Variants in BOP1 observed in about 807,000 individuals in gnomAD.
BOP1 encodes the protein BOP1 ribosomal biogenesis factor.
Under a neutral mutation model 82.9 loss-of-function variants are expected in BOP1, and 54 were observed. That is an observed-to-expected ratio of 0.65 (90% CI 0.52 to 0.82). BOP1 has a LOEUF of 0.82. Ranked by LOEUF, BOP1 falls within the 40% of genes least tolerant of loss-of-function variation. The pLI, the probability that BOP1 is intolerant of heterozygous loss-of-function variation, is 0.00. For synonymous variants in BOP1, 566 were observed against 451.1 expected, an observed-to-expected ratio of 1.25 and a Z score of -3.23; for missense variants, 1,170 against 1,072.0, an observed-to-expected ratio of 1.09 and a Z score of -1.28.
At chr8:144,269,104 G>A (rs1015641752) in intron 3 of BOP1, among the ~76,000 whole-genome samples, 8 of 152,116 alleles carry the variant, frequency 5.3e-5, no homozygotes, top group Admixed American at 1.3e-4. Flanking sequence ...CCACCACCAC[G>A]GCCCATCCAG....
At chr8:144,264,878 G>GCCCACCCCGGCTGCTGGC in intron 4 of BOP1, 39 bp downstream of exon 4, 1 of 1,607,238 alleles carries the variant, frequency 6.2e-7, no homozygotes, top group Non-Finnish European at 8.5e-7. Context: ...CACCCCTCGG[G>GCCCACCCCGGCTGCTGGC]CCCACCCCGG....
rs1203647034 is a variant in BOP1, at chr8:144,291,436, G to A, written c.-66C>T. The A allele has an allele frequency of 3.2e-5, 32 of 1,001,868 alleles. No individual in the cohort carries two copies. Among genetic ancestry groups the A allele is most frequent in the Non-Finnish European group, 9.8e-6 (8 of 820,098 alleles). The allele number at this position is 1,001,868 out of a possible 1,614,324, so 62.1% of individuals were successfully genotyped here. On this transcript the variant is annotated 5_prime_UTR_variant, in exon 1 of 16. Coordinates refer to ENST00000569669, the MANE Select transcript of BOP1 (RefSeq NM_015201.5). The surrounding 1 kb of genome is among the most constrained non-coding windows in gnomAD (Gnocchi z 4.1). ...GACAGCGACCGGGCCGCGTGCGCAG[G>A]AGGACGCGCCCCGCCCAGCCCGGCC...
chr8:144,265,348 G>A, intron 3 of BOP1: 1 of 566,350 alleles, frequency 1.8e-6, no homozygotes, highest in Non-Finnish European at 3.2e-6. Context: ...CCCCTCACTG[G>A]ATTCCTTGGC....
At chr8:144,275,509 AGCCCAGCCCGGTGCCAGCCTCTCCACG>A (rs1845556648) in intron 3 of BOP1, among the ~76,000 whole-genome samples, 1 of 150,474 alleles carries the variant, frequency 6.6e-6, no homozygotes, top group Admixed American at 6.6e-5. Flanking sequence ...ACGCTGGCGG[AGCCCAGCCCGGTGCCAGCCTCTCCACG>A]CTGGTGGAGC....
chr8:144,265,814 G>C (rs1312587247), intron 3 of BOP1: 2 of 153,570 alleles, frequency 1.3e-5, no homozygotes, highest in African/African-American at 4.8e-5. Context: ...CCCCAAATTG[G>C]ATAATGGGGG....
chr8:144,262,335 G>A lies in BOP1; in HGVS notation c.2088-18C>T, dbSNP rs1262527976. ...GAAGGTCACTGTGGGGACGAGGAGG[G>A]CTCAGGGCACGGCCAGACACCACTG... On this transcript the variant is annotated intron_variant, in intron 15 of 15. Coordinates refer to ENST00000569669, the MANE Select transcript of BOP1 (RefSeq NM_015201.5). 1.2e-6 allele frequency: 2 copies of A among 1,612,792 alleles called. No individual in the cohort carries two copies. The highest frequency in any genetic ancestry group is 4.5e-5 in the East Asian group (2 of 44,870).
chr8:144,279,543 C>A lies in BOP1; in HGVS notation c.310-3239G>T, dbSNP rs587654713. 7.5e-4 allele frequency among the ~76,000 whole-genome samples: 114 copies of A among 152,298 alleles called. 2 individuals carry two copies. The highest frequency in any genetic ancestry group is 2.6e-3 in the African/African-American group (108 of 41,554). On this transcript the variant is annotated intron_variant, in intron 2 of 15. Transcript: ENST00000569669. ...TCTATCAGGCCTGGTTTAGATGAGA[C>A]CCTGGCAGTGGAATGAGGTTCTGGG...
Position 144,264,302 on chromosome 8 carries a change from G to C in BOP1, c.901C>G (p.Pro301Ala). ...CCTGGCAGGGCCAGCTTGGGAGCAGGTACGTGCATCTTGTGGCGCCCGAGC... is the reference window on the plus strand; with the variant it reads ...CCTGGCAGGGCCAGCTTGGGAGCAGCTACGTGCATCTTGTGGCGCCCGAGC... ...AVLGRHKMHV[P>A]APKLALPGHA... Residue 301 changes from proline to alanine, a missense_variant, in exon 7 of 16, where the codon CCT becomes GCT. Coordinates refer to ENST00000569669, the MANE Select transcript of BOP1 (RefSeq NM_015201.5). The C allele has an allele frequency of 6.2e-7, 1 of 1,611,118 alleles. No homozygotes were observed. Among genetic ancestry groups the C allele is most frequent in the Non-Finnish European group, 8.5e-7 (1 of 1,179,608 alleles).
Position 144,291,311 on chromosome 8 carries a change from C to A in BOP1, c.60G>T (p.Arg20=). 1 of 1,443,404 alleles carries A rather than the reference C, an allele frequency of 6.9e-7. No individual in the cohort carries two copies. The allele number at this position is 1,443,404 out of a possible 1,614,324, so 89.4% of individuals were successfully genotyped here. ...TAAPSVRPEK[R]RSEPELEPEP... ...CAGGCTCCAGTTCGGGCTCAGACCGCCGCTTCTCCGGCCGCACGCTCGGCG... is the reference window on the plus strand; with the variant it reads ...CAGGCTCCAGTTCGGGCTCAGACCGACGCTTCTCCGGCCGCACGCTCGGCG... Residue 20 remains arginine (R), a synonymous_variant, in exon 1 of 16, where the codon CGG becomes CGT. Coordinates refer to ENST00000569669, the MANE Select transcript of BOP1 (RefSeq NM_015201.5). This position sits in a 1 kb window ranked among gnomAD's most constrained non-coding sequence, Gnocchi z 4.1.
chr8:144,275,837 C>T (rs1845560398), intron 3 of BOP1, among the ~76,000 whole-genome samples: 1 of 152,110 alleles, frequency 6.6e-6, no homozygotes, highest in Non-Finnish European at 1.5e-5. Context: ...AGGGGCACCA[C>T]CCATGCCCGT....
At chr8:144,263,446 C>G in intron 11 of BOP1, 32 bp downstream of exon 11, 4 of 1,597,888 alleles carry the variant, frequency 2.5e-6, no homozygotes, top group Non-Finnish European at 3.4e-6. Context: ...AGTGCCACCC[C>G]TGGCTCCCCA....
intron 3 of BOP1, among the ~76,000 whole-genome samples, chr8:144,271,878 G>A (rs1231728179): frequency 6.6e-6 from 1 of 152,084 alleles, no homozygotes; most frequent in East Asian, 1.9e-4. Flanking sequence ...GCCTTCTCCC[G>A]GCACCTCCAC....
chr8:144,272,916 C>T (rs1242766738), intron 3 of BOP1, among the ~76,000 whole-genome samples: 2 of 152,210 alleles, frequency 1.3e-5, no homozygotes, highest in South Asian at 2.1e-4. Flanking sequence ...TAGCAGGGCG[C>T]GCCCGTTTCC....
At position 144,291,359 on chromosome 8, in the gene BOP1, C is replaced by A; in HGVS notation, c.12G>T (p.Ser4=). ...GCGCCGCCGTGCGCCCCGCACCCCG[C>A]GAACCCGCCATGCCCCACCGCGCGC... MAG[S]RGAGRTAAPS... The change falls in exon 1 of 16, where the codon TCG becomes TCT. Residue 4 remains serine (S), a synonymous_variant. Coordinates refer to ENST00000569669, the MANE Select transcript of BOP1 (RefSeq NM_015201.5). This position sits in a 1 kb window ranked among gnomAD's most constrained non-coding sequence, Gnocchi z 4.1. 1 of 1,349,456 alleles carries A rather than the reference C, an allele frequency of 7.4e-7. No homozygotes were observed. The highest frequency in any genetic ancestry group is 9.6e-7 in the Non-Finnish European group (1 of 1,045,950). 83.6% of individuals were successfully genotyped at this position (1,349,456 alleles called of 1,614,324 possible). A position where few individuals can be genotyped will look rare whatever the true frequency, so the allele number is the denominator to read the frequency against.
chr8:144,263,151 A>G lies in BOP1; in HGVS notation c.1606-10T>C. The G allele has an allele frequency of 6.3e-7, 1 of 1,593,638 alleles. No homozygotes were observed. Among genetic ancestry groups the G allele is most frequent in the East Asian group, 2.2e-5 (1 of 44,766 alleles). ...TCACCTGCGTCACTGGCTGCAGGAG[A>G]GCAAGGCTGGCTGAGTGGCTGAGCC... On this transcript the variant is annotated splice_polypyrimidine_tract_variant and intron_variant, in intron 12 of 15. Coordinates refer to ENST00000569669, the MANE Select transcript of BOP1 (RefSeq NM_015201.5).
chr8:144,267,234 A>G, intron 3 of BOP1: 1 of 1,464,264 alleles, frequency 6.8e-7, no homozygotes, highest in South Asian at 1.4e-5. Flanking sequence ...CCCTCAGCCC[A>G]CACCTGCCAG....
At chr8:144,267,211 G>C (rs1349997000) in intron 3 of BOP1, 3 of 1,488,114 alleles carry the variant, frequency 2.0e-6, no homozygotes, top group Non-Finnish European at 2.6e-6. Context: ...GCCGAGGGGG[G>C]CCTCCAACGC....
chr8:144,281,466 C>T (rs62532306), intron 2 of BOP1, among the ~76,000 whole-genome samples: 1 of 2,552 alleles, frequency 3.9e-4, no homozygotes, highest in Middle Eastern at 0.25. Flanking sequence ...ACCAGGTCTT[C>T]GGCCTTCTCT....
Position 144,286,454 on chromosome 8 carries a change from G to A in BOP1, c.309+2641C>T, listed in dbSNP as rs1345093327. Among the ~76,000 whole-genome samples the A allele has an allele frequency of 6.6e-3, 653 of 99,378 alleles. 9 individuals are homozygous for A. The highest frequency in any genetic ancestry group is 0.017 in the South Asian group (40 of 2,302). 65.2% of individuals were successfully genotyped at this position (99,378 alleles called of 152,430 possible). A position where few individuals can be genotyped will look rare whatever the true frequency, so the allele number is the denominator to read the frequency against. On this transcript the variant is annotated intron_variant, in intron 2 of 15. Transcript: ENST00000569669. Reference sequence around the variant, plus strand: ...GCTAAAGCACAGGACACGCGGGCAGGTGCATGGGCGCCACGGCAGGGCAGG... The same window carrying A: ...GCTAAAGCACAGGACACGCGGGCAGATGCATGGGCGCCACGGCAGGGCAGG...
Sources: gnomAD v4.1 joint callset for allele counts (sites outside exome capture counted in the v4.1 genomes callset) on GRCh38, gnomAD v4.1.1 for gene constraint, Gnocchi (gnomAD v3.1) non-coding constraint, MANE v1.5 for transcripts, NCBI Gene and HGNC (gene_info 2026-07-23, HGNC 2026-07-21) for gene names.